Variants in SLC6A3 observed in about 807,000 individuals in gnomAD.
The protein encoded by SLC6A3 is sodium-dependent dopamine transporter.
In SLC6A3, 19 loss-of-function variants were observed where a neutral mutation model predicts 70.4. That is an observed-to-expected ratio of 0.27 (90% CI 0.19 to 0.40). The LOEUF (loss-of-function observed/expected upper bound fraction) is 0.40, where lower values mean the gene tolerates loss of function less well. SLC6A3 is among the 10% of genes least tolerant of loss of function. SLC6A3 has a pLI of 1.00. For synonymous variants in SLC6A3, 368 were observed against 356.6 expected (o/e 1.03, Z -0.36); for missense variants, 613 against 838.5 (o/e 0.73, Z 3.32).
At chr5:1,439,851 G>A (rs554631324) in intron 3 of SLC6A3, among the ~76,000 whole-genome samples, 2 of 152,360 alleles carry the variant, frequency 1.3e-5, no homozygotes, top group Admixed American at 1.3e-4. Context: ...GGATTGGGGA[G>A]TCAGAAACGT....
chr5:1,422,410 ACG>A lies in SLC6A3; in HGVS notation c.654-398_654-397del, dbSNP rs541237734. ...AGGTGCTGGGTGCCCACCGCTGCCCACGGTGCTGCCCACGCTGCTGGGTACCC... is the reference window on the plus strand; with the variant it reads ...AGGTGCTGGGTGCCCACCGCTGCCCAGTGCTGCCCACGCTGCTGGGTACCC... On this transcript the variant is annotated intron_variant, in intron 4 of 14. Transcript: ENST00000270349. Among the ~76,000 whole-genome samples, 527 of 99,668 alleles carry A rather than the reference ACG, an allele frequency of 5.3e-3. 8 individuals are homozygous for A. Among genetic ancestry groups the A allele is most frequent in the African/African-American group, 0.018 (395 of 21,522 alleles). 65.4% of individuals were successfully genotyped at this position (99,668 alleles called of 152,430 possible). A position where few individuals can be genotyped will look rare whatever the true frequency, so the allele number is the denominator to read the frequency against.
chr5:1,409,898 C>A (rs763968914), intron 9 of SLC6A3, 49 bp from the exon 10 acceptor site: 10 of 1,609,904 alleles, frequency 6.2e-6, no homozygotes, highest in Non-Finnish European at 8.5e-6. Flanking sequence ...CGCTCCTGAC[C>A]GCAGCCTGGG....
Position 1,402,759 on chromosome 5 carries a change from GACACACACACGCAC to G in SLC6A3, c.1767+149_1767+162del, listed in dbSNP as rs1423347887. ...ACCCATGGGCCCGGGCGTGCAGGTG[GACACACACACGCAC>G]ACACACACACAGTGTTGTGGTGGCC... On this transcript the variant is annotated intron_variant, in intron 13 of 14. Coordinates refer to ENST00000270349, the MANE Select transcript of SLC6A3 (RefSeq NM_001044.5). The surrounding 1 kb of genome is among the most constrained non-coding windows in gnomAD (Gnocchi z 8.5). Among the ~76,000 whole-genome samples the G allele has an allele frequency of 6.6e-6, 1 of 152,030 alleles. No individual in the cohort carries two copies. The highest frequency in any genetic ancestry group is 1.9e-4 in the East Asian group (1 of 5,182).
chr5:1,431,660 G>A (rs889357228), intron 4 of SLC6A3, among the ~76,000 whole-genome samples: 11 of 151,646 alleles, frequency 7.3e-5, no homozygotes, highest in African/African-American at 1.9e-4. Context: ...GACAGTGAGC[G>A]AGGGGCCTGG....
At chr5:1,428,661 G>C (rs1756626014) in intron 4 of SLC6A3, among the ~76,000 whole-genome samples, 1 of 152,184 alleles carries the variant, frequency 6.6e-6, no homozygotes. Context: ...TGGGGGCCAG[G>C]GGTGCCAGCA....
At chr5:1,418,207 C>T (rs1019134882) in intron 6 of SLC6A3, among the ~76,000 whole-genome samples, 2 of 152,132 alleles carry the variant, frequency 1.3e-5, no homozygotes, top group Admixed American at 1.3e-4. Context: ...GAGCGCCTGC[C>T]TCCTCCTCAC....
At chr5:1,395,200 C>T (rs1053591566) in intron 14 of SLC6A3, among the ~76,000 whole-genome samples, 7 of 152,176 alleles carry the variant, frequency 4.6e-5, no homozygotes, top group East Asian at 1.9e-4. Flanking sequence ...CTGAGTGACA[C>T]GCTACCTCTG....
At chr5:1,414,282 G>A (rs1756200457) in intron 8 of SLC6A3, among the ~76,000 whole-genome samples, 1 of 151,132 alleles carries the variant, frequency 6.6e-6, no homozygotes, top group South Asian at 2.1e-4. Flanking sequence ...TGTGGCATCT[G>A]CAGGGAGCAG....
rs192850263 is a variant in SLC6A3, at chr5:1,423,572, G to A, written c.654-1558C>T. On this transcript the variant is annotated intron_variant, in intron 4 of 14. Transcript: ENST00000270349. ...GACTCTGCTCCAGCAGGAATCACTC[G>A]CAGTTCCACTGTTTTTTGAAGGATC... Among the ~76,000 whole-genome samples, 5 of 152,340 alleles carry A rather than the reference G, an allele frequency of 3.3e-5. No homozygotes were observed. In the East Asian group the frequency reaches 5.8e-4, roughly 18 times the overall value.
At chr5:1,425,341 C>T (rs867987425) in intron 4 of SLC6A3, among the ~76,000 whole-genome samples, 4 of 152,212 alleles carry the variant, frequency 2.6e-5, no homozygotes, top group South Asian at 4.1e-4. Context: ...TGCCAAAGCA[C>T]GTTAACTTCC....
intron 6 of SLC6A3, chr5:1,416,495 A>G: frequency 3.8e-6 from 2 of 527,674 alleles, no homozygotes; most frequent in East Asian, 3.4e-5. Flanking sequence ...GCCCTGCTCC[A>G]TAGCCCTCAG....
intron 4 of SLC6A3, among the ~76,000 whole-genome samples, chr5:1,422,844 G>A (rs2735913): frequency 3.9e-3 from 120 of 30,642 alleles, no homozygotes; most frequent in Middle Eastern, 0.045. Flanking sequence ...GCTGCTGGGT[G>A]CCCACTGCTG....
chr5:1,410,566 C>G (rs752008101), intron 9 of SLC6A3, among the ~76,000 whole-genome samples: 10 of 152,170 alleles, frequency 6.6e-5, no homozygotes, highest in Non-Finnish European at 1.3e-4. Context: ...GGACCCGCCA[C>G]CCCCAGCAGC....
chr5:1,410,191 T>C (rs111359997), intron 9 of SLC6A3, among the ~76,000 whole-genome samples: 36 of 152,280 alleles, frequency 2.4e-4, no homozygotes, highest in African/African-American at 8.2e-4. Flanking sequence ...CAGATTTTCC[T>C]GAGCAAGATG....
At chr5:1,427,500 T>C (rs987310523) in intron 4 of SLC6A3, among the ~76,000 whole-genome samples, 1 of 152,124 alleles carries the variant, frequency 6.6e-6, no homozygotes, top group African/African-American at 2.4e-5. Flanking sequence ...ATTAGCACAA[T>C]GAAAGACTTA....
At chr5:1,440,549 G>C (rs1349705557) in intron 3 of SLC6A3, among the ~76,000 whole-genome samples, 1 of 152,194 alleles carries the variant, frequency 6.6e-6, no homozygotes, top group Non-Finnish European at 1.5e-5. Context: ...AAGTTCATCT[G>C]TTGAAGTTCT....
intron 12 of SLC6A3, 78 bp from the exon 13 acceptor site, chr5:1,403,167 C>G (rs1755892407): frequency 1.3e-6 from 2 of 1,501,130 alleles, no homozygotes; most frequent in Admixed American, 1.9e-5. Flanking sequence ...GCAGGCACTT[C>G]ATGGCAGAGC....
intron 4 of SLC6A3, among the ~76,000 whole-genome samples, chr5:1,422,770 C>T (rs1756478621): frequency 1.2e-5 from 1 of 82,496 alleles, no homozygotes; most frequent in Non-Finnish European, 2.2e-5. Context: ...TGCTGGGTGC[C>T]CACCGCTGCC....
rs1329613337 is a variant in SLC6A3 at position 1,408,086 on chromosome 5, C to T, written c.1498+940G>A. Among the ~76,000 whole-genome samples, 5 of 152,042 alleles carry T rather than the reference C, an allele frequency of 3.3e-5. No homozygotes were observed. The highest frequency in any genetic ancestry group is 4.8e-5 in the African/African-American group (2 of 41,372). ...TGCAATCTCGGGTGACTGCAACCTC[C>T]GCCTTCCGGGTTCAAGCTGAATCAT... On this transcript the variant is annotated intron_variant, in intron 11 of 14. Transcript: ENST00000270349. This position sits in a 1 kb window ranked among gnomAD's most constrained non-coding sequence, Gnocchi z 6.4.
Sources: gnomAD v4.1 joint callset for allele counts (sites outside exome capture counted in the v4.1 genomes callset) on GRCh38, gnomAD v4.1.1 for gene constraint, Gnocchi (gnomAD v3.1) non-coding constraint, MANE v1.5 for transcripts, NCBI Gene and HGNC (gene_info 2026-07-23, HGNC 2026-07-21) for gene names.